The following DOCK3 variants were observed in gnomAD, a reference collection of about 807,000 sequenced individuals.
The protein encoded by DOCK3 is dedicator of cytokinesis 3.
In DOCK3, 60 loss-of-function variants were observed where a neutral mutation model predicts 265.6. The observed-to-expected ratio is 0.23, with a 90% CI of 0.18 to 0.28. The LOEUF is 0.28. Ranked by LOEUF, DOCK3 falls within the 10% of genes least tolerant of loss-of-function variation. The pLI is 1.00. For missense variants in DOCK3, 1,981 were observed against 2,594.3 expected, an observed-to-expected ratio of 0.76 and a Z score of 5.14; for synonymous variants, 881 against 938.0, an observed-to-expected ratio of 0.94 and a Z score of 1.11.
At chr3:51,182,343 A>C (rs879927623) in intron 12 of DOCK3, among the ~76,000 whole-genome samples, 150 of 152,346 alleles carry the variant, frequency 9.8e-4, no homozygotes, top group Non-Finnish European at 1.9e-3. Flanking sequence ...CTGGCCGATT[A>C]GGAAGGGCCA....
chr3:50,868,911 T>G (rs2047279819), intron 3 of DOCK3, among the ~76,000 whole-genome samples: 2 of 147,682 alleles, frequency 1.4e-5, no homozygotes, highest in Admixed American at 6.8e-5. Flanking sequence ...GTTTTTTTTT[T>G]TTTTTTTTTT....
chr3:51,248,610 G>A (rs916734830), intron 22 of DOCK3, among the ~76,000 whole-genome samples: 2 of 152,102 alleles, frequency 1.3e-5, no homozygotes, highest in African/African-American at 2.4e-5. Flanking sequence ...CTGCCCGGCC[G>A]CCACCCCGTC....
chr3:51,378,442 T>C (rs1163908192), intron 51 of DOCK3, among the ~76,000 whole-genome samples: 1 of 152,110 alleles, frequency 6.6e-6, no homozygotes, highest in East Asian at 1.9e-4. Context: ...TCAGCTCCCA[T>C]TAGGCCCTGA....
At chr3:51,025,388 A>C (rs1446703252) in intron 5 of DOCK3, among the ~76,000 whole-genome samples, 1 of 152,084 alleles carries the variant, frequency 6.6e-6, no homozygotes, top group African/African-American at 2.4e-5. Context: ...TAGTTCCCAC[A>C]TCGTTTTCAA....
At chr3:51,201,761 C>A (rs1002038996) in intron 12 of DOCK3, among the ~76,000 whole-genome samples, 6 of 152,086 alleles carry the variant, frequency 3.9e-5, no homozygotes, top group Admixed American at 2.0e-4. Context: ...AAATTGACCA[C>A]ATAGTTGGAA....
intron 2 of DOCK3, among the ~76,000 whole-genome samples, chr3:50,811,114 C>T (rs1690458541): frequency 6.6e-6 from 1 of 152,052 alleles, no homozygotes; most frequent in South Asian, 2.1e-4. Context: ...TAGGTGAGGA[C>T]CAGGTATGGT....
At chr3:51,228,889 C>T in intron 18 of DOCK3, 57 bp downstream of exon 18, 2 of 1,571,580 alleles carry the variant, frequency 1.3e-6, no homozygotes, top group Non-Finnish European at 1.7e-6. Flanking sequence ...GTTCACTCCA[C>T]ACTACTAGCG....
intron 10 of DOCK3, among the ~76,000 whole-genome samples, chr3:51,150,759 A>G (rs1243920027): frequency 2.0e-5 from 3 of 152,246 alleles, no homozygotes; most frequent in Non-Finnish European, 2.9e-5. Context: ...ACTTCCAACT[A>G]TGTGTTCAAT....
intron 12 of DOCK3, 71 bp downstream of exon 12, chr3:51,160,773 T>C: frequency 6.5e-7 from 1 of 1,534,610 alleles, no homozygotes; most frequent in Non-Finnish European, 8.8e-7. Flanking sequence ...TTGAGAGTAG[T>C]AGTGCTCAAA....
chr3:51,129,568 G>A (rs1431349960), intron 9 of DOCK3, among the ~76,000 whole-genome samples: 2 of 152,078 alleles, frequency 1.3e-5, no homozygotes, highest in Non-Finnish European at 2.9e-5. Context: ...TGGCTAGATG[G>A]GTCAGAAAGC....
At chr3:51,254,334 G>C (rs1290882289) in intron 22 of DOCK3, among the ~76,000 whole-genome samples, 1 of 152,238 alleles carries the variant, frequency 6.6e-6, no homozygotes, top group Non-Finnish European at 1.5e-5. Context: ...TGAGAAGAAT[G>C]TATATTCTTT....
intron 1 of DOCK3, among the ~76,000 whole-genome samples, chr3:50,703,232 A>G (rs888972274): frequency 6.6e-6 from 1 of 152,026 alleles, no homozygotes; most frequent in African/African-American, 2.4e-5. Flanking sequence ...ATGTGTTATT[A>G]TATTTGGTTT....
At chr3:51,203,929 TAATA>T (rs2088988320) in intron 12 of DOCK3, among the ~76,000 whole-genome samples, 1 of 152,204 alleles carries the variant, frequency 6.6e-6, no homozygotes, top group Non-Finnish European at 1.5e-5. Flanking sequence ...ATTCCCTATT[TAATA>T]AATGGTGCTG....
At chr3:50,810,292 TG>T in intron 2 of DOCK3, among the ~76,000 whole-genome samples, 1 of 152,284 alleles carries the variant, frequency 6.6e-6, no homozygotes, top group East Asian at 1.9e-4. Flanking sequence ...GGCTTATGCC[TG>T]TAATCCTAGC....
rs1242217134 is a variant in DOCK3 at position 51,237,496 on chromosome 3, A to G, written c.2008A>G (p.Ile670Val). The change falls in exon 21 of 53, where the codon ATC becomes GTC. Residue 670 changes from isoleucine (I) to valine (V), a missense_variant. By Grantham distance (29) the Ile-to-Val change is conservative. This residue lies in a region of DOCK3 where 1,357 missense variants were observed against 1,866.8 expected (regional missense o/e 0.73). Transcript: ENST00000266037. The part of the protein sequence containing the change: ...GLLVFQSLVF[I>V]INLLRDIKYF... ...TACTCTCCATATCTCCCAGGTGTTC[A>G]TCATCAACCTGCTCCGAGACATCAA... is the stretch of plus-strand genomic sequence containing the variant. The G allele has an allele frequency of 2.5e-6, 4 of 1,613,230 alleles. No homozygotes were observed. Among genetic ancestry groups the G allele is most frequent in the Non-Finnish European group, 2.5e-6 (3 of 1,179,704 alleles).
chr3:51,120,233 G>C (rs1360843443), intron 9 of DOCK3, among the ~76,000 whole-genome samples: 1 of 152,134 alleles, frequency 6.6e-6, no homozygotes, highest in Non-Finnish European at 1.5e-5. Context: ...CTCTTCTGTA[G>C]ATCCACTGGA....
At chr3:51,040,032 A>G (rs2080421117) in intron 5 of DOCK3, among the ~76,000 whole-genome samples, 1 of 151,922 alleles carries the variant, frequency 6.6e-6, no homozygotes, top group South Asian at 2.1e-4. Flanking sequence ...TCTGGGACTC[A>G]CTGTCCAGAT....
rs544937024 is a variant in DOCK3, at chr3:51,363,305, G to C, written c.5293+631G>C. ...TCTGTCCTTGTAGACAGAAACATTT[G>C]CAGTGGAATGGAAATTAGCTGTGGT... On this transcript the variant is annotated intron_variant, in intron 49 of 52. Coordinates refer to ENST00000266037, the MANE Select transcript of DOCK3 (RefSeq NM_004947.5). Among the ~76,000 whole-genome samples the C allele has an allele frequency of 1.6e-4, 25 of 152,260 alleles. No individual in the cohort carries two copies. The East Asian group carries it at 4.8e-3, about 29-fold the overall frequency.
chr3:50,852,850 T>G (rs1575359355), intron 3 of DOCK3, among the ~76,000 whole-genome samples: 1 of 152,216 alleles, frequency 6.6e-6, no homozygotes, highest in Non-Finnish European at 1.5e-5. Flanking sequence ...GGTGAAAATT[T>G]AAATACATCA....
Sources: gnomAD v4.1 joint callset for allele counts (sites outside exome capture counted in the v4.1 genomes callset) on GRCh38, gnomAD v4.1.1 for gene constraint, gnomAD v4.1.1 regional missense constraint, MANE v1.5 for transcripts, NCBI Gene and HGNC (gene_info 2026-07-23, HGNC 2026-07-21) for gene names.